The following AMD1 variants were observed in gnomAD, a reference collection of about 807,000 sequenced individuals.
AMD1 encodes adenosylmethionine decarboxylase 1.
Under a neutral mutation model 40.2 loss-of-function variants are expected in AMD1, and 11 were observed. That is an observed-to-expected ratio of 0.27 (90% CI 0.17 to 0.45). The LOEUF is 0.45. AMD1 is among the 20% of genes least tolerant of loss of function. AMD1 has a pLI of 1.00. For synonymous variants in AMD1, 121 were observed against 130.8 expected (o/e 0.93, Z 0.51); for missense variants, 257 against 410.2 (o/e 0.63, Z 3.23).
chr6:110,814,831 G>A, the AMD1 span: 8 of 819,180 alleles, frequency 9.8e-6, no homozygotes, highest in Non-Finnish European at 1.4e-5. Context: ...CGACGGGGCC[G>A]CGCGGGGGAG....
At chr6:110,824,337 T>C in the AMD1 span, among the ~76,000 whole-genome samples, 7 of 152,182 alleles carry the variant, frequency 4.6e-5, no homozygotes, top group Non-Finnish European at 1.0e-4. Flanking sequence ...ACCAAAATAC[T>C]GTATGTTCCC....
intron 4 of AMD1, 138 bp from the exon 5 acceptor site, chr6:110,892,023 A>T: frequency 9.7e-7 from 1 of 1,033,628 alleles, no homozygotes; most frequent in Non-Finnish European, 1.5e-6. Flanking sequence ...GACATGAGCT[A>T]CTATGCCCAG....
chr6:110,816,017 G>C, the AMD1 span: 1 of 152,236 alleles, frequency 6.6e-6, no homozygotes. Context: ...TTGGTGATTG[G>C]ATGTGCTCGG....
the AMD1 span, chr6:110,858,805 T>C: frequency 1.3e-6 from 1 of 769,644 alleles, no homozygotes; most frequent in Non-Finnish European, 2.4e-6. Context: ...CAAGGAGGCA[T>C]CTCTACGACC....
At chr6:110,820,951 G>T in the AMD1 span, among the ~76,000 whole-genome samples, 1 of 152,128 alleles carries the variant, frequency 6.6e-6, no homozygotes, top group South Asian at 2.1e-4. Context: ...AAACTAAATG[G>T]GACCAGACAA....
chr6:110,856,802 A>G, the AMD1 span, among the ~76,000 whole-genome samples: 14,445 of 152,226 alleles, frequency 0.095, 1,328 homozygotes, highest in African/African-American at 0.24. Flanking sequence ...AGATCATATC[A>G]GCTAATTTTC....
chr6:110,878,270 A>G (rs1404466325), intron 1 of AMD1, among the ~76,000 whole-genome samples: 5 of 141,368 alleles, frequency 3.5e-5, no homozygotes, highest in East Asian at 1.9e-4. Context: ...TCTGCAATCC[A>G]TCTGGAATTG....
At chr6:110,834,735 G>A in the AMD1 span, among the ~76,000 whole-genome samples, 2 of 151,972 alleles carry the variant, frequency 1.3e-5, no homozygotes, top group Non-Finnish European at 2.9e-5. Context: ...GAGGAGGGCA[G>A]ATCACAAGGT....
chr6:110,880,998 A>G (rs904703587), intron 1 of AMD1, among the ~76,000 whole-genome samples: 4 of 152,178 alleles, frequency 2.6e-5, no homozygotes, highest in Admixed American at 2.6e-4. Flanking sequence ...CCCTGTAGAC[A>G]TTTCTAAATT....
chr6:110,882,012 G>C (rs895635845), intron 1 of AMD1, among the ~76,000 whole-genome samples: 3 of 152,160 alleles, frequency 2.0e-5, no homozygotes, highest in African/African-American at 4.8e-5. Flanking sequence ...AAATAGATCA[G>C]TTTTATAAAT....
In AMD1 at chr6:110,894,986, TACTC is replaced by T. The variant is rs1261379746; in HGVS notation, c.*1372_*1375del. ...TAAATAGAATAATAAAATTCCAAAATACTCAATGGGAAATGACTAGTAATATAGG... is the reference window on the plus strand; with the variant it reads ...TAAATAGAATAATAAAATTCCAAAATAATGGGAAATGACTAGTAATATAGG... On this transcript the variant is annotated 3_prime_UTR_variant, in exon 9 of 9. Coordinates refer to ENST00000368885, the MANE Select transcript of AMD1 (RefSeq NM_001634.6). 3 of 152,188 alleles carry T rather than the reference TACTC, an allele frequency of 2.0e-5. No individual in the cohort carries two copies. The highest frequency in any genetic ancestry group is 7.2e-5 in the African/African-American group (3 of 41,460). The allele number at this position is 152,188 out of a possible 1,614,324, so 9.4% of individuals were successfully genotyped here.
chr6:110,859,399 G>A, the AMD1 span, among the ~76,000 whole-genome samples: 3 of 152,024 alleles, frequency 2.0e-5, no homozygotes, highest in Non-Finnish European at 2.9e-5. Context: ...CTGCTGGCAC[G>A]TCCAGGCTGT....
At chr6:110,857,875 C>T in the AMD1 span, among the ~76,000 whole-genome samples, 1 of 150,626 alleles carries the variant, frequency 6.6e-6, no homozygotes, top group Non-Finnish European at 1.5e-5. Context: ...CGCTCTGTCA[C>T]CCAGGCTGGA....
the AMD1 span, chr6:110,815,278 C>T: frequency 4.1e-6 from 4 of 964,212 alleles, no homozygotes; most frequent in African/African-American, 5.2e-5. Flanking sequence ...CCCGCCGCTC[C>T]GCGGTCCGCC....
At chr6:110,879,042 C>G (rs1268929828) in intron 1 of AMD1, among the ~76,000 whole-genome samples, 1 of 152,146 alleles carries the variant, frequency 6.6e-6, no homozygotes, top group African/African-American at 2.4e-5. Flanking sequence ...AATAAAGCTT[C>G]TCGTTACATT....
chr6:110,822,508 A>G, the AMD1 span, among the ~76,000 whole-genome samples: 1 of 152,200 alleles, frequency 6.6e-6, no homozygotes, highest in Non-Finnish European at 1.5e-5. Flanking sequence ...TACTGAACCA[A>G]TTCCAAAAGA....
At chr6:110,846,327 A>T in the AMD1 span, among the ~76,000 whole-genome samples, 1 of 152,238 alleles carries the variant, frequency 6.6e-6, no homozygotes, top group African/African-American at 2.4e-5. Flanking sequence ...TGAAAAAAAC[A>T]TTAATGAGGA....
the AMD1 span, among the ~76,000 whole-genome samples, chr6:110,832,213 G>T: frequency 1.3e-5 from 2 of 150,978 alleles, no homozygotes; most frequent in East Asian, 2.0e-4. Flanking sequence ...TACCATATTG[G>T]CCAGGGTGGT....
chr6:110,839,114 A>G, the AMD1 span, among the ~76,000 whole-genome samples: 8 of 152,320 alleles, frequency 5.3e-5, no homozygotes, highest in South Asian at 1.7e-3. Context: ...CTCTAGTATT[A>G]TAAACTGTGT....
Sources: gnomAD v4.1 joint callset for allele counts (sites outside exome capture counted in the v4.1 genomes callset) on GRCh38, gnomAD v4.1.1 for gene constraint, MANE v1.5 for transcripts, NCBI Gene and HGNC (gene_info 2026-07-23, HGNC 2026-07-21) for gene names.